Variants in KIAA0232 observed in about 807,000 individuals in gnomAD.
The protein encoded by KIAA0232 is KIAA0232.
KIAA0232 carries 27 observed loss-of-function variants against 122.0 expected under a neutral mutation model. The observed-to-expected ratio is 0.22, with a 90% confidence interval of 0.16 to 0.31. The LOEUF (loss-of-function observed/expected upper bound fraction) is 0.31. Ranked by LOEUF, KIAA0232 falls within the 10% of genes least tolerant of loss-of-function variation. The pLI is 1.00. For synonymous variants in KIAA0232, 613 were observed against 587.6 expected, an observed-to-expected ratio of 1.04 and a Z score of -0.63; for missense variants, 1,551 against 1,634.2, an observed-to-expected ratio of 0.95 and a Z score of 0.88.
At chr4:6,850,536 T>A (rs1160971080) in intron 4 of KIAA0232, among the ~76,000 whole-genome samples, 1 of 152,236 alleles carries the variant, frequency 6.6e-6, no homozygotes, top group Non-Finnish European at 1.5e-5. Context: ...GTTAACATGA[T>A]CTTATAATGT....
At chr4:6,801,898 A>G (rs950127403) in intron 1 of KIAA0232, among the ~76,000 whole-genome samples, 1 of 152,196 alleles carries the variant, frequency 6.6e-6, no homozygotes, top group African/African-American at 2.4e-5. Context: ...ATTTGTATAC[A>G]TGCCACCATT....
rs866083824 is a variant in KIAA0232, at chr4:6,872,952, C to T, written c.3910+1270C>T. Among the ~76,000 whole-genome samples, 3 of 152,318 alleles carry T rather than the reference C, an allele frequency of 2.0e-5. No homozygotes were observed. In the South Asian group the frequency reaches 6.2e-4, roughly 32 times the overall value. On this transcript the variant is annotated intron_variant, in intron 8 of 9. Coordinates refer to ENST00000307659, the MANE Select transcript of KIAA0232 (RefSeq NM_014743.3). ...TGTAGCCACAGACAGCTTCCCAGGA[C>T]CCTGCCTTCCTCCTTCCCAGAGGTT...
intron 7 of KIAA0232, among the ~76,000 whole-genome samples, chr4:6,869,534 C>T (rs1022760288): frequency 1.3e-5 from 2 of 152,324 alleles, no homozygotes; most frequent in South Asian, 2.1e-4. Context: ...ACCTTGTTTG[C>T]GGGAAGCCCA....
At chr4:6,783,371 T>G (rs546098588) in intron 1 of KIAA0232, among the ~76,000 whole-genome samples, 1 of 152,210 alleles carries the variant, frequency 6.6e-6, no homozygotes, top group Admixed American at 6.5e-5. Context: ...GCCTCCTGCC[T>G]GGGGCAGGTG....
intron 1 of KIAA0232, among the ~76,000 whole-genome samples, chr4:6,798,113 C>T (rs1050156655): frequency 1.3e-5 from 2 of 151,326 alleles, no homozygotes; most frequent in African/African-American, 4.9e-5. Flanking sequence ...ACAAGTTAAA[C>T]GAGGAGTGAA....
At position 6,801,154 on chromosome 4, in the gene KIAA0232, A is replaced by G. The variant is rs879326; in HGVS notation, c.-353-3369A>G. 4.6e-3 allele frequency among the ~76,000 whole-genome samples: 702 copies of G among 152,330 alleles called. 7 individuals are homozygous for G. The highest frequency in any genetic ancestry group is 0.016 in the African/African-American group (679 of 41,552). On this transcript the variant is annotated intron_variant, in intron 1 of 9. Coordinates refer to ENST00000307659, the MANE Select transcript of KIAA0232 (RefSeq NM_014743.3). ...AGTAGAACTTTGTTTGATAATGGAAATGTTCACTGTCTTTTCTATTCAGTA... is the reference window on the plus strand; with the variant it reads ...AGTAGAACTTTGTTTGATAATGGAAGTGTTCACTGTCTTTTCTATTCAGTA...
chr4:6,825,061 T>A (rs1718610207), intron 3 of KIAA0232, among the ~76,000 whole-genome samples: 1 of 152,238 alleles, frequency 6.6e-6, no homozygotes, highest in Non-Finnish European at 1.5e-5. Context: ...ACATTGCGTC[T>A]ATTATACTTC....
chr4:6,828,678 A>G (rs1426432181), intron 3 of KIAA0232, among the ~76,000 whole-genome samples: 1 of 152,200 alleles, frequency 6.6e-6, no homozygotes, highest in Non-Finnish European at 1.5e-5. Context: ...TACAATAAAT[A>G]TTATTAGCTG....
At position 6,863,513 on chromosome 4, in the gene KIAA0232, T is replaced by C; in HGVS notation, c.3131T>C (p.Leu1044Ser). 2 of 1,614,204 alleles carry C rather than the reference T, an allele frequency of 1.2e-6. No homozygotes were observed. The highest frequency in any genetic ancestry group is 1.7e-6 in the Non-Finnish European group (2 of 1,180,034). Residue 1044 changes from leucine to serine, a missense_variant, in exon 7 of 10, where the codon TTA (leucine) becomes TCA (serine). Around this residue, in one of 5 missense-constraint regions of KIAA0232, gnomAD observed 1,108 missense variants for 1,154.8 expected, o/e 0.96. Coordinates refer to ENST00000307659, the MANE Select transcript of KIAA0232 (RefSeq NM_014743.3). ...GLEYSFSSFD[L>S]SNPFSQVLHV... ...GAATACTCATTTTCTTCCTTTGACT[T>C]AAGCAATCCATTTTCACAAGTTCTT...
At chr4:6,784,761 G>T (rs1372414327) in intron 1 of KIAA0232, among the ~76,000 whole-genome samples, 1 of 152,266 alleles carries the variant, frequency 6.6e-6, no homozygotes, top group East Asian at 1.9e-4. Flanking sequence ...AAACATTGAA[G>T]GGAAGGGAGA....
At position 6,881,052 on chromosome 4, in the gene KIAA0232, A is replaced by G; in HGVS notation, c.*86A>G. ...GTGAGACCTGTTAATCTAAAACAAC[A>G]ACTTAGGTTTCCTCTTCAATTAACT... On this transcript the variant is annotated 3_prime_UTR_variant, in exon 10 of 10. Coordinates refer to ENST00000307659, the MANE Select transcript of KIAA0232 (RefSeq NM_014743.3). 1 of 980,806 alleles carries G rather than the reference A, an allele frequency of 1.0e-6. No individual in the cohort carries two copies. The allele number at this position is 980,806 out of a possible 1,614,324, so 60.8% of individuals were successfully genotyped here.
chr4:6,805,873 A>T (rs1164124807), intron 2 of KIAA0232, among the ~76,000 whole-genome samples: 1 of 152,070 alleles, frequency 6.6e-6, no homozygotes, highest in African/African-American at 2.4e-5. Context: ...ATTTTTCCTA[A>T]TTGAAATTTT....
chr4:6,797,700 A>G (rs1717189424), intron 1 of KIAA0232, among the ~76,000 whole-genome samples: 1 of 149,392 alleles, frequency 6.7e-6, no homozygotes, highest in African/African-American at 2.5e-5. Context: ...CAGGAATTCC[A>G]GGCTGCAGTG....
intron 8 of KIAA0232, among the ~76,000 whole-genome samples, chr4:6,873,878 G>A (rs1721621254): frequency 6.6e-6 from 1 of 152,138 alleles, no homozygotes; most frequent in African/African-American, 2.4e-5. Flanking sequence ...GGGGCATTTA[G>A]TCTCAGAAGG....
chr4:6,870,968 G>A (rs1721449436), intron 7 of KIAA0232, among the ~76,000 whole-genome samples: 1 of 152,204 alleles, frequency 6.6e-6, no homozygotes, highest in South Asian at 2.1e-4. Flanking sequence ...GAATCTAGAA[G>A]TTTGCCTTGC....
chr4:6,842,785 C>T (rs1413846804), intron 4 of KIAA0232, among the ~76,000 whole-genome samples: 1 of 152,026 alleles, frequency 6.6e-6, no homozygotes, highest in Non-Finnish European at 1.5e-5. Flanking sequence ...GATGGGGTTT[C>T]ACCATGTTGG....
intron 3 of KIAA0232, among the ~76,000 whole-genome samples, chr4:6,829,927 A>G (rs561643514): frequency 6.6e-6 from 1 of 152,294 alleles, no homozygotes; most frequent in South Asian, 2.1e-4. Context: ...TATAACCCCA[A>G]ATATGCTTTC....
At position 6,814,197 on chromosome 4, in the gene KIAA0232, G is replaced by T. The variant is rs574640720; in HGVS notation, c.-270+9591G>T. 4.7e-4 allele frequency among the ~76,000 whole-genome samples: 72 copies of T among 152,212 alleles called. 2 individuals are homozygous for T. The South Asian group carries it at 0.015, about 31-fold the overall frequency. Reference sequence around the variant, plus strand: ...TGTTCTAAAAACAAGTAGAAAACTGGACAGCAAAGAGAGGTTGTTGTATTT... The same window carrying T: ...TGTTCTAAAAACAAGTAGAAAACTGTACAGCAAAGAGAGGTTGTTGTATTT... On this transcript the variant is annotated intron_variant, in intron 2 of 9. Transcript: ENST00000307659.
In KIAA0232 at chr4:6,828,765, T is replaced by C. The variant is rs559766307; in HGVS notation, c.231+4081T>C. ...TATGTTTGTACCCTTTAGCCCACTT[T>C]TCTTCATCTTCTACTTTTGCTTTAT... is the stretch of plus-strand genomic sequence containing the variant. On this transcript the variant is annotated intron_variant, in intron 3 of 9. Coordinates refer to ENST00000307659, the MANE Select transcript of KIAA0232 (RefSeq NM_014743.3). Among the ~76,000 whole-genome samples, 13 of 152,326 alleles carry C rather than the reference T, an allele frequency of 8.5e-5. No homozygotes were observed. The East Asian group carries it at 2.3e-3, about 27-fold the overall frequency.
Sources: allele counts gnomAD v4.1 joint callset (sites outside exome capture counted in the v4.1 genomes callset), GRCh38; gene constraint gnomAD v4.1.1; regional missense constraint gnomAD v4.1.1; transcripts MANE v1.5; gene names NCBI Gene and HGNC (gene_info 2026-07-23, HGNC 2026-07-21).